Variants in AGBL4 observed in about 807,000 individuals in gnomAD.
AGBL4 encodes cytosolic carboxypeptidase 6.
A neutral mutation model predicts 66.4 loss-of-function variants in AGBL4; 58 were observed. That is an observed-to-expected ratio of 0.87 (90% CI 0.71 to 1.09). AGBL4 has a LOEUF of 1.09. Among genes scored for constraint, AGBL4 ranks in the 50% least tolerant of loss-of-function variants. The pLI, the probability that AGBL4 is intolerant of heterozygous loss-of-function variation, is 0.00. For synonymous variants in AGBL4, 234 were observed against 222.9 expected (o/e 1.05, Z -0.44); for missense variants, 579 against 631.0 (o/e 0.92, Z 0.88).
chr1:49,645,105 G>A (rs993054462), intron 3 of AGBL4, among the ~76,000 whole-genome samples: 5 of 151,366 alleles, frequency 3.3e-5, no homozygotes, highest in Non-Finnish European at 5.9e-5. Context: ...GAGAATTTAC[G>A]TTATTAAAAA....
chr1:49,832,698 G>A (rs1645725784), intron 2 of AGBL4, among the ~76,000 whole-genome samples: 1 of 151,904 alleles, frequency 6.6e-6, no homozygotes, highest in Non-Finnish European at 1.5e-5. Context: ...TCTAACTGGT[G>A]TGAGATGGTA....
At chr1:49,641,808 C>T (rs193253075) in intron 3 of AGBL4, among the ~76,000 whole-genome samples, 11 of 152,068 alleles carry the variant, frequency 7.2e-5, no homozygotes, top group African/African-American at 7.2e-5. Context: ...TGATTACATG[C>T]TATGTGCTAG....
intron 5 of AGBL4, among the ~76,000 whole-genome samples, chr1:48,924,585 A>G (rs1654368407): frequency 6.6e-6 from 1 of 152,206 alleles, no homozygotes; most frequent in Non-Finnish European, 1.5e-5. Context: ...GGGATTTTAT[A>G]AGGGTAATAA....
At chr1:49,622,221 C>CA (rs1249295909) in intron 3 of AGBL4, among the ~76,000 whole-genome samples, 3 of 151,942 alleles carry the variant, frequency 2.0e-5, no homozygotes, top group East Asian at 1.9e-4. Flanking sequence ...TGTGCATAAT[C>CA]AAAAAAACAT....
intron 4 of AGBL4, among the ~76,000 whole-genome samples, chr1:49,243,685 A>G (rs1490454394): frequency 1.3e-5 from 2 of 151,820 alleles, no homozygotes; most frequent in Non-Finnish European, 3.0e-5. Flanking sequence ...AAGGTGCTCA[A>G]TAAAGTCCTA....
intron 3 of AGBL4, among the ~76,000 whole-genome samples, chr1:49,650,890 G>T (rs1645990643): frequency 6.6e-6 from 1 of 152,128 alleles, no homozygotes; most frequent in Non-Finnish European, 1.5e-5. Context: ...CTCTGCTGGG[G>T]GCTGACATGA....
At chr1:49,984,910 G>C (rs1035928833) in intron 1 of AGBL4, among the ~76,000 whole-genome samples, 25 of 152,270 alleles carry the variant, frequency 1.6e-4, no homozygotes, top group Admixed American at 7.2e-4. Flanking sequence ...AGAGCACATA[G>C]ATTGAGAGAA....
At chr1:48,919,054 C>G (rs1483620878) in intron 5 of AGBL4, among the ~76,000 whole-genome samples, 3 of 152,166 alleles carry the variant, frequency 2.0e-5, no homozygotes, top group Admixed American at 6.5e-5. Flanking sequence ...TGGACTCACT[C>G]CAAGTCTGGA....
At chr1:49,349,188 G>C (rs190461837) in intron 3 of AGBL4, among the ~76,000 whole-genome samples, 1 of 152,172 alleles carries the variant, frequency 6.6e-6, no homozygotes, top group Non-Finnish European at 1.5e-5. Flanking sequence ...ATGATCAATA[G>C]AGTTGGTACC....
intron 6 of AGBL4, among the ~76,000 whole-genome samples, chr1:48,669,399 G>T (rs1646241160): frequency 6.6e-6 from 1 of 152,150 alleles, no homozygotes. Flanking sequence ...GCTGAGCTGT[G>T]CATTGTAGGA....
At chr1:49,346,500 C>A (rs1456800725) in intron 3 of AGBL4, among the ~76,000 whole-genome samples, 1 of 152,194 alleles carries the variant, frequency 6.6e-6, no homozygotes, top group Non-Finnish European at 1.5e-5. Flanking sequence ...TTTTGCTTCA[C>A]TGTTGTGGAC....
chr1:49,852,033 G>C (rs961975887), intron 1 of AGBL4, among the ~76,000 whole-genome samples: 5 of 152,106 alleles, frequency 3.3e-5, no homozygotes, highest in Non-Finnish European at 5.9e-5. Context: ...AATTAGCATA[G>C]AAGTTCTATT....
chr1:49,467,697 T>A (rs1046341291), intron 3 of AGBL4, among the ~76,000 whole-genome samples: 3 of 151,894 alleles, frequency 2.0e-5, no homozygotes, highest in Non-Finnish European at 2.9e-5. Flanking sequence ...AGTTTCCTTA[T>A]GATTAAAATT....
intron 2 of AGBL4, among the ~76,000 whole-genome samples, chr1:49,747,334 A>G (rs556476398): frequency 1.3e-5 from 2 of 152,192 alleles, no homozygotes; most frequent in African/African-American, 4.8e-5. Flanking sequence ...CCCTACCTCC[A>G]CGAAATTTTC....
chr1:49,922,285 G>A (rs1379692925), intron 1 of AGBL4, among the ~76,000 whole-genome samples: 1 of 151,980 alleles, frequency 6.6e-6, no homozygotes, highest in Non-Finnish European at 1.5e-5. Flanking sequence ...CAATAAACTA[G>A]GTATTGAAGG....
chr1:49,255,816 G>C (rs1488249888), intron 3 of AGBL4, among the ~76,000 whole-genome samples: 1 of 152,124 alleles, frequency 6.6e-6, no homozygotes, highest in Non-Finnish European at 1.5e-5. Context: ...ATATACCATG[G>C]AATACTATGC....
At chr1:48,932,863 C>T (rs1655144173) in intron 5 of AGBL4, among the ~76,000 whole-genome samples, 1 of 151,986 alleles carries the variant, frequency 6.6e-6, no homozygotes, top group East Asian at 1.9e-4. Context: ...AAATAAACAA[C>T]CAACTAACCG....
chr1:49,027,387 T>C (rs1453827792), intron 5 of AGBL4, among the ~76,000 whole-genome samples: 1 of 152,078 alleles, frequency 6.6e-6, no homozygotes, highest in Non-Finnish European at 1.5e-5. Flanking sequence ...AGTCTCAAAC[T>C]CCTGACCTCA....
intron 2 of AGBL4, among the ~76,000 whole-genome samples, chr1:49,761,369 A>C (rs891207094): frequency 6.6e-6 from 1 of 152,168 alleles, no homozygotes; most frequent in Non-Finnish European, 1.5e-5. Flanking sequence ...ATATATACAA[A>C]GCTATCATGG....
Sources: allele counts gnomAD v4.1 joint callset (sites outside exome capture counted in the v4.1 genomes callset), GRCh38; gene constraint gnomAD v4.1.1; transcripts MANE v1.5; gene names NCBI Gene and HGNC (gene_info 2026-07-23, HGNC 2026-07-21).